The following ARHGAP29 variants were observed in gnomAD, a reference collection of about 807,000 sequenced individuals.
ARHGAP29 encodes the protein Rho GTPase activating protein 29, also known as rho GTPase-activating protein 29.
In ARHGAP29, 43 loss-of-function variants were observed where a neutral mutation model predicts 122.6. The observed-to-expected ratio is 0.35, with a 90% CI of 0.27 to 0.45. ARHGAP29 has a LOEUF of 0.45. ARHGAP29 is among the 20% of genes least tolerant of loss of function. The probability of loss-of-function intolerance (pLI) is 1.00; values close to 1 mark genes in which losing one functional copy is unlikely to be tolerated. For synonymous variants in ARHGAP29, 506 were observed against 497.1 expected (o/e 1.02, Z -0.24); for missense variants, 1,303 against 1,477.2 (o/e 0.88, Z 1.93).
At chr1:94,305,249 GC>G in the ARHGAP29 span, among the ~76,000 whole-genome samples, 1 of 152,212 alleles carries the variant, frequency 6.6e-6, no homozygotes, top group African/African-American at 2.4e-5. Flanking sequence ...AAGCCACGGT[GC>G]TGGAAATGGC....
intron 22 of ARHGAP29, among the ~76,000 whole-genome samples, chr1:94,175,293 C>T (rs192658795): frequency 4.7e-4 from 71 of 152,278 alleles, no homozygotes; most frequent in Admixed American, 3.9e-3. Context: ...AGGCTGAATG[C>T]TTTTAAGTTA....
chr1:94,266,601 C>T (rs1340211133), intron 1 of ARHGAP29, among the ~76,000 whole-genome samples: 1 of 152,130 alleles, frequency 6.6e-6, no homozygotes, highest in Non-Finnish European at 1.5e-5. Flanking sequence ...TGGTGGGGCT[C>T]AGGGTGTAGA....
intron 1 of ARHGAP29, among the ~76,000 whole-genome samples, chr1:94,263,472 G>A (rs896523393): frequency 6.6e-6 from 1 of 152,022 alleles, no homozygotes; most frequent in Non-Finnish European, 1.5e-5. Flanking sequence ...AACAATGTTA[G>A]ACATCATGCA....
intron 20 of ARHGAP29, 38 bp from the exon 21 acceptor site, chr1:94,178,205 C>G (rs750077681): frequency 7.0e-6 from 11 of 1,563,852 alleles, no homozygotes; most frequent in Non-Finnish European, 8.7e-6. Flanking sequence ...TGAGATTTTC[C>G]TATTAGAGTT....
chr1:94,271,400 G>A (rs1654988800), intron 1 of ARHGAP29, among the ~76,000 whole-genome samples: 1 of 152,190 alleles, frequency 6.6e-6, no homozygotes. Flanking sequence ...AAGGGTAGGG[G>A]ATTACATAAG....
Position 94,256,536 on chromosome 1 carries a change from C to CTTTTTTTTTTTTTTTT in ARHGAP29, c.-33+18460_-33+18475dup, listed in dbSNP as rs530295333. 2.9e-4 allele frequency among the ~76,000 whole-genome samples: 13 copies of CTTTTTTTTTTTTTTTT among 45,330 alleles called. 5 individuals carry two copies. Among genetic ancestry groups the CTTTTTTTTTTTTTTTT allele is most frequent in the African/African-American group, 8.5e-4 (9 of 10,632 alleles). The allele number at this position is 45,330 out of a possible 152,430, so 29.7% of individuals were successfully genotyped here. The stretch of plus-strand genomic sequence containing the variant: ...CAGAAATAGATTTAACAGTACTAAT[C>CTTTTTTTTTTTTTTTT]TTTTTTTTTTTTTTTTTTTTTTTTT... On this transcript the variant is annotated intron_variant and NMD_transcript_variant, in intron 1 of 25. Coordinates refer to the ARHGAP29 transcript ENST00000552844.
At chr1:94,218,364 T>C (rs1282224802) in intron 3 of ARHGAP29, among the ~76,000 whole-genome samples, 1 of 152,132 alleles carries the variant, frequency 6.6e-6, no homozygotes, top group African/African-American at 2.4e-5. Context: ...AGTATAAAGA[T>C]AGTAATAGTG....
intron 20 of ARHGAP29, 32 bp from the exon 21 acceptor site, chr1:94,178,199 A>C: frequency 1.9e-6 from 3 of 1,573,112 alleles, no homozygotes; most frequent in Non-Finnish European, 2.6e-6. Context: ...GTTGTATGAG[A>C]TTTTCCTATT....
In ARHGAP29 at chr1:94,169,708, C is replaced by A. The variant is rs996171501; in HGVS notation, c.*4161G>T. Among the ~76,000 whole-genome samples, 1 of 152,060 alleles carries A rather than the reference C, an allele frequency of 6.6e-6. No individual in the cohort carries two copies. The highest frequency in any genetic ancestry group is 2.4e-5 in the African/African-American group (1 of 41,384). On this transcript the variant is annotated 3_prime_UTR_variant, in exon 23 of 23. Coordinates refer to ENST00000260526, the MANE Select transcript of ARHGAP29 (RefSeq NM_004815.4). ...GGTCTTCATTTCCATATACCATTTC[C>A]CATTTAAAGAAACCAGGGCTCCTTG...
In ARHGAP29 at chr1:94,267,337, T is replaced by G. The variant is rs547773366; in HGVS notation, c.-33+7675A>C. On this transcript the variant is annotated intron_variant and NMD_transcript_variant, in intron 1 of 25. Coordinates refer to the ARHGAP29 transcript ENST00000552844. ...CCAAAGGCTACAGTGTCACAAGTCTTGCATATGGATTGTGGCCATGAATAT... is the reference window on the plus strand; with the variant it reads ...CCAAAGGCTACAGTGTCACAAGTCTGGCATATGGATTGTGGCCATGAATAT... 4.6e-5 allele frequency among the ~76,000 whole-genome samples: 7 copies of G among 152,292 alleles called. No individual in the cohort carries two copies. The South Asian group carries it at 1.2e-3, about 27-fold the overall frequency.
At chr1:94,183,202 A>G (rs1649585799) in intron 19 of ARHGAP29, among the ~76,000 whole-genome samples, 1 of 105,802 alleles carries the variant, frequency 9.5e-6, no homozygotes, top group Non-Finnish European at 2.4e-5. Context: ...CAATTAAAAA[A>G]AATTTTTTTT....
chr1:94,174,599 C>T lies in ARHGAP29; in HGVS notation c.3056G>A (p.Ser1019Asn), dbSNP rs750263751. ...HTPRTKIRPV[S>N]LPVDRLLLAS... is the part of the protein sequence containing the mutation. ...AAGAAGTAGTCTATCTACAGGCAAA[C>T]TTACAGGTCTAATCTTGGTCCTTGG... The change falls in exon 23 of 23, where the codon AGT becomes AAT. Residue 1019 changes from serine (S) to asparagine (N), a missense_variant. Around this residue, in one of 3 missense-constraint regions of ARHGAP29, gnomAD observed 620 missense variants for 651.2 expected, o/e 0.95. Transcript: ENST00000260526. 6.2e-7 allele frequency: 1 copy of T among 1,614,126 alleles called. No homozygotes were observed. The highest frequency in any genetic ancestry group is 1.1e-5 in the South Asian group (1 of 91,080).
chr1:94,286,899 A>G, the ARHGAP29 span, among the ~76,000 whole-genome samples: 5 of 152,202 alleles, frequency 3.3e-5, no homozygotes, highest in Non-Finnish European at 7.3e-5. Context: ...TCACACAACA[A>G]TCACAATCAC....
chr1:94,241,314 T>C (rs190545913), upstream of ARHGAP29, among the ~76,000 whole-genome samples: 665 of 152,276 alleles, frequency 4.4e-3, 7 homozygotes, highest in Middle Eastern at 3.4e-3. Context: ...TAGATTATCC[T>C]TAAAAGATAT....
At chr1:94,250,053 C>G (rs918802086) in intron 1 of ARHGAP29, among the ~76,000 whole-genome samples, 2 of 151,862 alleles carry the variant, frequency 1.3e-5, no homozygotes, top group Non-Finnish European at 2.9e-5. Context: ...TCTAGTAGAA[C>G]CAAATATGAT....
chr1:94,309,313 G>T, the ARHGAP29 span, among the ~76,000 whole-genome samples: 121 of 152,290 alleles, frequency 7.9e-4, no homozygotes, highest in Non-Finnish European at 1.2e-3. Flanking sequence ...AGAGGATGGT[G>T]GAACCAGGAC....
chr1:94,201,828 A>T lies in ARHGAP29; in HGVS notation c.1173T>A (p.Val391=). ...KVEEANELYK[V]CVTNVEERRN... ...TTCTTTCTTCAACATTTGTCACACAAACTTTGTAAAGTTCATTTGCTTCTT... is the reference window on the plus strand; with the variant it reads ...TTCTTTCTTCAACATTTGTCACACATACTTTGTAAAGTTCATTTGCTTCTT... Residue 391 remains valine, a synonymous_variant, in exon 12 of 23, where the codon GTT becomes GTA. Transcript: ENST00000260526. 6.2e-7 allele frequency: 1 copy of T among 1,612,344 alleles called. No individual in the cohort carries two copies. The highest frequency in any genetic ancestry group is 8.5e-7 in the Non-Finnish European group (1 of 1,179,180).
the ARHGAP29 span, among the ~76,000 whole-genome samples, chr1:94,304,895 G>A: frequency 1.3e-5 from 2 of 152,196 alleles, no homozygotes; most frequent in African/African-American, 2.4e-5. Flanking sequence ...AAAAGATTGA[G>A]CCTGGTTAAA....
chr1:94,291,837 G>T, the ARHGAP29 span, among the ~76,000 whole-genome samples: 1 of 152,182 alleles, frequency 6.6e-6, no homozygotes, highest in African/African-American at 2.4e-5. Context: ...AGTCTGATGG[G>T]CTTCCCTTTG....
Sources: gnomAD v4.1 joint callset for allele counts (sites outside exome capture counted in the v4.1 genomes callset) on GRCh38, gnomAD v4.1.1 for gene constraint, gnomAD v4.1.1 regional missense constraint, MANE v1.5 for transcripts, NCBI Gene and HGNC (gene_info 2026-07-23, HGNC 2026-07-21) for gene names.